DPP6: variants seen among roughly 807,000 people sequenced by gnomAD.
DPP6 encodes dipeptidyl peptidase like 6.
DPP6 carries 69 observed loss-of-function variants against 122.6 expected under a neutral mutation model. The ratio of observed to expected loss-of-function variants is 0.56; its 90% confidence interval spans 0.46 to 0.69. The LOEUF (loss-of-function observed/expected upper bound fraction) is 0.69, where lower values mean the gene tolerates loss of function less well. Ranked by LOEUF, DPP6 falls within the 30% of genes least tolerant of loss-of-function variation. The pLI is 0.00. For missense variants in DPP6, 928 were observed against 1,116.9 expected (o/e 0.83, Z 2.41); for synonymous variants, 418 against 433.1 (o/e 0.97, Z 0.43).
At chr7:154,275,517 C>T (rs1804070567) in intron 1 of DPP6, among the ~76,000 whole-genome samples, 1 of 152,158 alleles carries the variant, frequency 6.6e-6, no homozygotes, top group Non-Finnish European at 1.5e-5. Context: ...TAAAGATGTC[C>T]TTGTTCCAAA....
the DPP6 span, among the ~76,000 whole-genome samples, chr7:153,798,990 T>A: frequency 1.2e-4 from 18 of 152,264 alleles, no homozygotes; most frequent in Non-Finnish European, 2.2e-4. Context: ...CCAGCAGTAA[T>A]GTGAGCAATG....
At chr7:154,777,283 A>G (rs928545590) in intron 10 of DPP6, among the ~76,000 whole-genome samples, 45 of 152,236 alleles carry the variant, frequency 3.0e-4, no homozygotes, top group African/African-American at 1.1e-3. Flanking sequence ...TTGTGGGGTG[A>G]GTGGGAAGTG....
At chr7:154,636,741 G>GC (rs1216327962) in intron 5 of DPP6, among the ~76,000 whole-genome samples, 1 of 152,210 alleles carries the variant, frequency 6.6e-6, no homozygotes, top group Non-Finnish European at 1.5e-5. Flanking sequence ...GCTAGGTAGG[G>GC]AATGGTGGTA....
intron 1 of DPP6, among the ~76,000 whole-genome samples, chr7:154,286,345 C>T (rs752843951): frequency 3.3e-5 from 5 of 152,250 alleles, no homozygotes; most frequent in African/African-American, 4.8e-5. Flanking sequence ...GTCTGCAACT[C>T]ATGTGCATTC....
At chr7:154,502,118 A>G (rs1369832436) in intron 3 of DPP6, among the ~76,000 whole-genome samples, 2 of 152,184 alleles carry the variant, frequency 1.3e-5, no homozygotes, top group Non-Finnish European at 2.9e-5. Flanking sequence ...CACATTTGGA[A>G]TGGCCGTATT....
upstream of DPP6, among the ~76,000 whole-genome samples, chr7:153,884,823 T>C (rs1236034711): frequency 6.6e-6 from 1 of 151,490 alleles, no homozygotes; most frequent in Non-Finnish European, 1.5e-5. Context: ...CTATTAAAAA[T>C]ACAAAAATTA....
At chr7:154,164,649 G>A (rs905855460) in intron 1 of DPP6, among the ~76,000 whole-genome samples, 2 of 151,932 alleles carry the variant, frequency 1.3e-5, no homozygotes, top group African/African-American at 4.8e-5. Flanking sequence ...CTAGCCTTCA[G>A]CAGCCTCTAC....
intron 8 of DPP6, among the ~76,000 whole-genome samples, chr7:154,743,066 T>C (rs919855470): frequency 2.6e-5 from 4 of 152,192 alleles, no homozygotes; most frequent in East Asian, 1.9e-4. Flanking sequence ...AACAGTTATA[T>C]GATTTTGGTG....
chr7:154,029,242 C>T (rs1489171919), intron 1 of DPP6, among the ~76,000 whole-genome samples: 1 of 150,508 alleles, frequency 6.6e-6, no homozygotes, highest in Non-Finnish European at 1.5e-5. Context: ...GTCAGCTGGG[C>T]ACAGTGGCTC....
chr7:154,414,317 GT>G (rs1816846396), intron 1 of DPP6, among the ~76,000 whole-genome samples: 2 of 152,170 alleles, frequency 1.3e-5, no homozygotes, highest in African/African-American at 4.8e-5. Context: ...CAATCATGGG[GT>G]TTAATTTAAA....
chr7:154,731,447 G>C (rs897866857), intron 8 of DPP6, among the ~76,000 whole-genome samples: 36 of 152,236 alleles, frequency 2.4e-4, no homozygotes, highest in African/African-American at 8.0e-4. Flanking sequence ...GCTTCTGGGA[G>C]TCTCCAACCC....
At chr7:154,278,032 C>T (rs528293416) in intron 1 of DPP6, among the ~76,000 whole-genome samples, 20 of 152,258 alleles carry the variant, frequency 1.3e-4, no homozygotes, top group Admixed American at 4.6e-4. Context: ...GTCATGCGGG[C>T]GACAGATGTG....
chr7:154,255,012 C>T (rs113345702), intron 1 of DPP6, among the ~76,000 whole-genome samples: 16 of 151,582 alleles, frequency 1.1e-4, no homozygotes, highest in African/African-American at 3.2e-4. Flanking sequence ...AATTGCAAAA[C>T]GAAAGAAAAG....
intron 1 of DPP6, among the ~76,000 whole-genome samples, chr7:154,141,506 T>C (rs1170121743): frequency 6.6e-6 from 1 of 152,200 alleles, no homozygotes; most frequent in Non-Finnish European, 1.5e-5. Flanking sequence ...GTACATACCA[T>C]TTGAATGAAC....
chr7:154,202,228 T>C (rs572356502), intron 1 of DPP6, among the ~76,000 whole-genome samples: 3 of 152,116 alleles, frequency 2.0e-5, no homozygotes, highest in African/African-American at 7.2e-5. Flanking sequence ...AGGCTGGCCA[T>C]GCGCTGGGTC....
chr7:153,786,706 T>C, the DPP6 span, among the ~76,000 whole-genome samples: 10 of 119,886 alleles, frequency 8.3e-5, no homozygotes, highest in African/African-American at 2.9e-4. Context: ...GCCACTGCAC[T>C]CCAGCCTGGG....
intron 1 of DPP6, among the ~76,000 whole-genome samples, chr7:154,226,317 TA>T (rs111883934): frequency 0.15 from 22,111 of 152,188 alleles, 2,892 homozygotes; most frequent in African/African-American, 0.35. Context: ...ATTTTTGTCT[TA>T]TGCCAGATGT....
At chr7:154,861,696 A>AAGTT (rs1276406156) in intron 17 of DPP6, among the ~76,000 whole-genome samples, 10 of 152,318 alleles carry the variant, frequency 6.6e-5, no homozygotes, top group East Asian at 1.9e-4. Context: ...TGGACATAAA[A>AAGTT]AGTTATGATT....
intron 3 of DPP6, among the ~76,000 whole-genome samples, chr7:154,517,904 C>T (rs1376310031): frequency 1.3e-5 from 2 of 152,206 alleles, no homozygotes; most frequent in African/African-American, 2.4e-5. Context: ...TACACCTCCA[C>T]CATTCGGAGA....
Sources: allele counts gnomAD v4.1 joint callset (sites outside exome capture counted in the v4.1 genomes callset), GRCh38; gene constraint gnomAD v4.1.1; transcripts MANE v1.5; gene names NCBI Gene and HGNC (gene_info 2026-07-23, HGNC 2026-07-21).